NOL4: variants seen among roughly 807,000 people sequenced by gnomAD.
NOL4 encodes the protein cancer/testis antigen 125.
In NOL4, 17 loss-of-function variants were observed where a neutral mutation model predicts 75.9. The observed-to-expected ratio is 0.22, with a 90% CI of 0.15 to 0.34. NOL4 has a LOEUF of 0.34. NOL4 is among the 10% of genes least tolerant of loss of function. The pLI is 1.00. For synonymous variants in NOL4, 292 were observed against 289.9 expected (o/e 1.01, Z -0.07); for missense variants, 614 against 793.5 (o/e 0.77, Z 2.72).
intron 1 of NOL4, among the ~76,000 whole-genome samples, chr18:34,174,531 C>CT (rs1206954890): frequency 1.3e-5 from 2 of 151,440 alleles, no homozygotes; most frequent in Non-Finnish European, 2.9e-5. Flanking sequence ...ATTTTTTTTC[C>CT]TTTTTTTATT....
chr18:34,013,320 T>G (rs987130262), intron 6 of NOL4, among the ~76,000 whole-genome samples: 1 of 151,106 alleles, frequency 6.6e-6, no homozygotes, highest in Admixed American at 6.6e-5. Flanking sequence ...AACTACCACC[T>G]TACTAAGGCA....
intron 1 of NOL4, among the ~76,000 whole-genome samples, chr18:34,180,345 A>G (rs1372116788): frequency 6.6e-6 from 1 of 151,652 alleles, no homozygotes; most frequent in African/African-American, 2.4e-5. Context: ...ATAGATAAAA[A>G]TTAGCAATGT....
chr18:34,141,349 G>A (rs1395120773), intron 1 of NOL4, among the ~76,000 whole-genome samples: 1 of 151,864 alleles, frequency 6.6e-6, no homozygotes, highest in Non-Finnish European at 1.5e-5. Context: ...AGTTCATATG[G>A]AACCAAAAAA....
intron 5 of NOL4, among the ~76,000 whole-genome samples, chr18:34,024,522 C>A (rs147354913): frequency 1.6e-3 from 243 of 152,024 alleles, no homozygotes; most frequent in African/African-American, 5.5e-3. Flanking sequence ...CTCCTTTACC[C>A]CTTGTGGTCT....
chr18:33,909,291 T>C (rs139448167), intron 9 of NOL4, among the ~76,000 whole-genome samples: 1 of 152,284 alleles, frequency 6.6e-6, no homozygotes, highest in Non-Finnish European at 1.5e-5. Flanking sequence ...TTTTACTTTA[T>C]CTGCATAATT....
At chr18:33,926,969 C>T (rs2067372006) in intron 9 of NOL4, among the ~76,000 whole-genome samples, 1 of 152,148 alleles carries the variant, frequency 6.6e-6, no homozygotes, top group African/African-American at 2.4e-5. Flanking sequence ...TTTATAGTTA[C>T]AGCTATAATC....
chr18:34,178,655 T>C (rs763518644), intron 1 of NOL4, among the ~76,000 whole-genome samples: 12 of 151,672 alleles, frequency 7.9e-5, no homozygotes, highest in Non-Finnish European at 1.6e-4. Context: ...CAAGAATATA[T>C]GACAATTTTC....
At chr18:33,943,662 C>T (rs1421585212) in intron 8 of NOL4, among the ~76,000 whole-genome samples, 1 of 151,598 alleles carries the variant, frequency 6.6e-6, no homozygotes, top group Non-Finnish European at 1.5e-5. Context: ...AAATTATGAC[C>T]CAATTGATGT....
chr18:33,870,988 C>A (rs2063673019), intron 10 of NOL4, among the ~76,000 whole-genome samples: 1 of 152,002 alleles, frequency 6.6e-6, no homozygotes, highest in Admixed American at 6.6e-5. Context: ...GTGGACCAAG[C>A]AACAACTCAG....
chr18:34,119,753 C>T (rs1362234458), intron 2 of NOL4, among the ~76,000 whole-genome samples: 1 of 152,102 alleles, frequency 6.6e-6, no homozygotes, highest in African/African-American at 2.4e-5. Flanking sequence ...TCCCCAGTAG[C>T]TAGGACTACA....
chr18:34,060,496 G>A (rs950639727), intron 5 of NOL4, among the ~76,000 whole-genome samples: 5 of 152,186 alleles, frequency 3.3e-5, no homozygotes, highest in African/African-American at 9.6e-5. Flanking sequence ...TTAAAATACT[G>A]TATGTTATTA....
At chr18:34,158,391 A>G (rs568266109) in intron 1 of NOL4, among the ~76,000 whole-genome samples, 2 of 152,286 alleles carry the variant, frequency 1.3e-5, no homozygotes, top group African/African-American at 2.4e-5. Context: ...GAGTGTAAGT[A>G]GTCGAATATT....
intron 9 of NOL4, among the ~76,000 whole-genome samples, chr18:33,912,509 T>G (rs944792304): frequency 1.3e-5 from 2 of 152,072 alleles, no homozygotes; most frequent in Admixed American, 6.6e-5. Flanking sequence ...GTAAACTCCA[T>G]CTGAAAACTT....
chr18:33,919,862 A>G (rs1267039634), intron 9 of NOL4, among the ~76,000 whole-genome samples: 1 of 152,188 alleles, frequency 6.6e-6, no homozygotes, highest in African/African-American at 2.4e-5. Context: ...ATTACAACTA[A>G]GCAAAACATT....
chr18:34,213,021 T>G (rs536218635), intron 1 of NOL4, among the ~76,000 whole-genome samples: 1 of 152,262 alleles, frequency 6.6e-6, no homozygotes, highest in East Asian at 1.9e-4. Context: ...GGGCTCGTCA[T>G]GTTCACAGAT....
intron 6 of NOL4, among the ~76,000 whole-genome samples, chr18:33,993,108 G>C (rs1018260725): frequency 1.3e-5 from 2 of 151,852 alleles, no homozygotes; most frequent in African/African-American, 4.8e-5. Context: ...TGCCTTCCTG[G>C]GGACAGAACA....
chr18:33,932,203 A>G (rs1483328689), intron 9 of NOL4, among the ~76,000 whole-genome samples: 1 of 152,078 alleles, frequency 6.6e-6, no homozygotes, highest in African/African-American at 2.4e-5. Context: ...ATTTACATTA[A>G]TATCAGGACA....
chr18:34,060,782 T>C (rs2077036382), intron 5 of NOL4, among the ~76,000 whole-genome samples: 1 of 152,214 alleles, frequency 6.6e-6, no homozygotes. Flanking sequence ...AGTTCACATG[T>C]GGTGCCTAAG....
At chr18:34,184,540 A>T (rs780538261) in intron 1 of NOL4, among the ~76,000 whole-genome samples, 3 of 152,056 alleles carry the variant, frequency 2.0e-5, no homozygotes, top group Non-Finnish European at 4.4e-5. Flanking sequence ...TTATGATGGA[A>T]AAGGAGTCAA....
Sources: gnomAD v4.1 joint callset for allele counts (sites outside exome capture counted in the v4.1 genomes callset) on GRCh38, gnomAD v4.1.1 for gene constraint, MANE v1.5 for transcripts, NCBI Gene and HGNC (gene_info 2026-07-23, HGNC 2026-07-21) for gene names.